Variants in TPO observed in about 807,000 individuals in gnomAD.
The protein encoded by TPO is thyroid peroxidase, also known as thyroid microsomal antigen.
Under a neutral mutation model 96.9 loss-of-function variants are expected in TPO, and 78 were observed. The ratio of observed to expected loss-of-function variants is 0.81; its 90% CI spans 0.67 to 0.97. The LOEUF (loss-of-function observed/expected upper bound fraction) is 0.97, where lower values mean the gene tolerates loss of function less well. TPO is among the 50% of genes least tolerant of loss of function. The pLI is 0.00. For synonymous variants in TPO, 547 were observed against 538.0 expected, an observed-to-expected ratio of 1.02 and a Z score of -0.23; for missense variants, 1,252 against 1,274.8, an observed-to-expected ratio of 0.98 and a Z score of 0.27.
intron 14 of TPO, among the ~76,000 whole-genome samples, chr2:1,506,655 T>G (rs561498265): frequency 6.6e-5 from 10 of 152,350 alleles, no homozygotes; most frequent in African/African-American, 2.4e-4. Context: ...CATTTTTTCA[T>G]GTGTTTTTTG....
At chr2:1,471,161 A>G (rs922286935) in intron 7 of TPO, among the ~76,000 whole-genome samples, 4 of 152,058 alleles carry the variant, frequency 2.6e-5, no homozygotes, top group Admixed American at 2.6e-4. Flanking sequence ...TCTAAAATCA[A>G]ATTTGGGCTT....
intron 10 of TPO, among the ~76,000 whole-genome samples, chr2:1,489,971 G>T (rs1260630256): frequency 8.9e-6 from 1 of 112,588 alleles, no homozygotes; most frequent in Non-Finnish European, 2.0e-5. Flanking sequence ...CGCCACGTGG[G>T]TCCCACACAG....
intron 1 of TPO, among the ~76,000 whole-genome samples, chr2:1,407,467 T>C (rs1662264736): frequency 1.3e-5 from 2 of 152,212 alleles, no homozygotes; most frequent in Non-Finnish European, 1.5e-5. Flanking sequence ...CTTTGTGTAG[T>C]TGTCAATCTA....
rs1305877624 is a variant in TPO at position 1,493,948 on chromosome 2, T to C, written c.1915T>C (p.Leu639=). The C allele has an allele frequency of 6.2e-7, 1 of 1,614,158 alleles. No individual in the cohort carries two copies. Among genetic ancestry groups the C allele is most frequent in the East Asian group, 2.2e-5 (1 of 44,870 alleles). The change falls in exon 11 of 17, where the codon TTA becomes CTA. Residue 639 remains leucine, a synonymous_variant. Transcript: ENST00000329066. ...PDNIDVWLGG[L]AENFLPRART... ...CAACATCGATGTCTGGCTGGGAGGC[T>C]TAGCTGAAAACTTCCTCCCCAGGGC... is the stretch of plus-strand genomic sequence containing the variant.
rs116164344 is a variant in TPO, at chr2:1,514,933, G to A, written c.2519-1950G>A. ...TGAGGTGGGCTTCAATCAGATGCTC[G>A]CCACGGCCCAGGACGTGGCTCCTCC... On this transcript the variant is annotated intron_variant, in intron 14 of 16. Transcript: ENST00000329066. Among the ~76,000 whole-genome samples, 1,130 of 152,210 alleles carry A rather than the reference G, an allele frequency of 7.4e-3. 17 individuals are homozygous for A. Among genetic ancestry groups the A allele is most frequent in the African/African-American group, 0.025 (1,055 of 41,512 alleles).
chr2:1,414,054 A>G (rs1392545853), intron 1 of TPO, among the ~76,000 whole-genome samples: 1 of 152,214 alleles, frequency 6.6e-6, no homozygotes, highest in Non-Finnish European at 1.5e-5. Flanking sequence ...TAGGGGAAAC[A>G]GATTTTTTTC....
At chr2:1,517,024 A>G (rs764433236) in intron 15 of TPO, 42 bp downstream of exon 15, 3 of 1,597,524 alleles carry the variant, frequency 1.9e-6, no homozygotes, top group Non-Finnish European at 2.6e-6. Context: ...ACACAAAGCA[A>G]TCTCCTTTCC....
intron 2 of TPO, among the ~76,000 whole-genome samples, chr2:1,422,152 G>GT (rs370513831): frequency 1.3e-5 from 2 of 152,394 alleles, no homozygotes; most frequent in East Asian, 3.9e-4. Flanking sequence ...TAACTTTGCT[G>GT]TATCACACTG....
At chr2:1,420,062 G>A (rs977470187) in intron 2 of TPO, among the ~76,000 whole-genome samples, 9 of 152,304 alleles carry the variant, frequency 5.9e-5, no homozygotes, top group Admixed American at 2.0e-4. Flanking sequence ...GTCTCTGGGA[G>A]GAAGTTTTCA....
chr2:1,423,074 G>T lies in TPO; in HGVS notation c.124G>T (p.Val42Phe). The change falls in exon 3 of 17, where the codon GTC becomes TTC. Residue 42 changes from valine (V) to phenylalanine (F), a missense_variant. Val to Phe is a conservative substitution (Grantham distance 50, BLOSUM62 -1). Transcript: ENST00000329066. ...GKPEESRVSS[V>F]LEESKRLVDT... ...GCCTGAGGAGTCTCGTGTCTCTAGC[G>T]TCTTGGAGGAAAGCAAGCGCCTGGT... 1 of 1,614,176 alleles carries T rather than the reference G, an allele frequency of 6.2e-7. No homozygotes were observed. Among genetic ancestry groups the T allele is most frequent in the Non-Finnish European group, 8.5e-7 (1 of 1,180,044 alleles).
At chr2:1,378,688 C>G (rs909193854) in intron 1 of TPO, among the ~76,000 whole-genome samples, 6 of 152,214 alleles carry the variant, frequency 3.9e-5, no homozygotes, top group Non-Finnish European at 8.8e-5. Flanking sequence ...CCATGTGGCC[C>G]GTGCTGGTGT....
At chr2:1,494,821 T>C (rs1672167637) in intron 11 of TPO, among the ~76,000 whole-genome samples, 1 of 152,228 alleles carries the variant, frequency 6.6e-6, no homozygotes, top group African/African-American at 2.4e-5. Context: ...AAAGGATCTG[T>C]GTTCTTCCCA....
At chr2:1,460,905 C>G (rs114460861) in intron 7 of TPO, among the ~76,000 whole-genome samples, 2 of 152,014 alleles carry the variant, frequency 1.3e-5, no homozygotes, top group East Asian at 3.9e-4. Flanking sequence ...AATCACTGTG[C>G]GTGGGGGCTC....
intron 15 of TPO, 147 bp downstream of exon 15, chr2:1,517,129 A>G: frequency 1.2e-6 from 1 of 811,346 alleles, no homozygotes; most frequent in Non-Finnish European, 2.0e-6. Context: ...TATTTTGTAC[A>G]ACGTAATAGA....
chr2:1,411,683 C>G (rs948361008), upstream of TPO, among the ~76,000 whole-genome samples: 1 of 152,158 alleles, frequency 6.6e-6, no homozygotes, highest in African/African-American at 2.4e-5. Flanking sequence ...CTGGTTGTGC[C>G]TGGAGACCCC....
At chr2:1,411,374 C>A (rs546206478), upstream of TPO, among the ~76,000 whole-genome samples, 123 of 152,308 alleles carry the variant, frequency 8.1e-4, no homozygotes, top group African/African-American at 2.8e-3. Flanking sequence ...CGGCCTCCCC[C>A]AGCTGTGCAT....
At chr2:1,512,246 G>T (rs1471466139) in intron 14 of TPO, 1 of 276,898 alleles carries the variant, frequency 3.6e-6, no homozygotes, top group Non-Finnish European at 5.5e-6. Flanking sequence ...CACCATGTTA[G>T]CCAGGATGTA....
chr2:1,469,169 A>G (rs1418972487), intron 7 of TPO, among the ~76,000 whole-genome samples: 1 of 152,090 alleles, frequency 6.6e-6, no homozygotes, highest in African/African-American at 2.4e-5. Flanking sequence ...TGCCTTCCTG[A>G]TTAGCTTAAT....
chr2:1,469,448 T>C (rs1669186441), intron 7 of TPO, among the ~76,000 whole-genome samples: 1 of 152,212 alleles, frequency 6.6e-6, no homozygotes, highest in Non-Finnish European at 1.5e-5. Flanking sequence ...TGTGGCTTCC[T>C]GAGAGCTAAG....
Sources: gnomAD v4.1 joint callset for allele counts (sites outside exome capture counted in the v4.1 genomes callset) on GRCh38, gnomAD v4.1.1 for gene constraint, MANE v1.5 for transcripts, NCBI Gene and HGNC (gene_info 2026-07-23, HGNC 2026-07-21) for gene names.